Variants in SYT16 observed in about 807,000 individuals in gnomAD.
SYT16 encodes the protein synaptotagmin-16.
SYT16 carries 42 observed loss-of-function variants against 61.4 expected under a neutral mutation model. That is an observed-to-expected ratio of 0.68 (90% CI 0.53 to 0.89). The LOEUF (loss-of-function observed/expected upper bound fraction) is 0.89, where lower values mean the gene tolerates loss of function less well. Among genes scored for constraint, SYT16 ranks in the 40% least tolerant of loss-of-function variants. SYT16 has a pLI of 0.00. For synonymous variants in SYT16, 314 were observed against 302.3 expected, an observed-to-expected ratio of 1.04 and a Z score of -0.40; for missense variants, 804 against 807.3, an observed-to-expected ratio of 1.00 and a Z score of 0.05.
rs1049537498 is a variant in SYT16, at chr14:62,102,252, C to T, written c.*1545C>T. ...GTAACACTTGAAGAACATATTTATT[C>T]CTTACAGTGTGTAATGGTTATCCTG... On this transcript the variant is annotated 3_prime_UTR_variant, in exon 8 of 8. Transcript: ENST00000683842. 7 of 152,152 alleles carry T rather than the reference C, an allele frequency of 4.6e-5. No homozygotes were observed. The highest frequency in any genetic ancestry group is 1.4e-4 in the African/African-American group (6 of 41,432). 9.4% of individuals were successfully genotyped at this position (152,152 alleles called of 1,614,324 possible).
At chr14:61,958,262 T>G (rs2050963850) in intron 1 of SYT16, among the ~76,000 whole-genome samples, 1 of 151,710 alleles carries the variant, frequency 6.6e-6, no homozygotes. Flanking sequence ...TCTTCCATTC[T>G]CTAGTCCATT....
chr14:62,067,984 T>TC (rs1321091222), intron 3 of SYT16, among the ~76,000 whole-genome samples: 1 of 152,032 alleles, frequency 6.6e-6, no homozygotes, highest in Non-Finnish European at 1.5e-5. Context: ...AGACTCTGTC[T>TC]CAAAGAAAAG....
intron 3 of SYT16, among the ~76,000 whole-genome samples, chr14:62,025,464 G>T (rs1254504338): frequency 6.6e-6 from 1 of 151,984 alleles, no homozygotes. Flanking sequence ...TTACTGTTGA[G>T]TTTTAAGAGT....
chr14:61,915,689 A>G (rs1051606237), intron 1 of SYT16, among the ~76,000 whole-genome samples: 2 of 152,230 alleles, frequency 1.3e-5, no homozygotes, highest in African/African-American at 4.8e-5. Context: ...ATAGATATCT[A>G]TATGAAGTTC....
intron 3 of SYT16, among the ~76,000 whole-genome samples, chr14:62,024,585 C>T (rs947391733): frequency 3.3e-5 from 5 of 152,014 alleles, no homozygotes; most frequent in African/African-American, 1.2e-4. Context: ...CATTCTTCTC[C>T]ACCAGAGTGG....
At chr14:61,971,768 G>A (rs1161746359) in intron 2 of SYT16, among the ~76,000 whole-genome samples, 2 of 152,222 alleles carry the variant, frequency 1.3e-5, no homozygotes, top group East Asian at 3.8e-4. Flanking sequence ...TGGCATTCCT[G>A]CTATCGCAGT....
At chr14:61,990,993 A>G (rs898086902) in intron 2 of SYT16, among the ~76,000 whole-genome samples, 2 of 152,218 alleles carry the variant, frequency 1.3e-5, no homozygotes, top group South Asian at 2.1e-4. Flanking sequence ...TTAAACCAAG[A>G]TTTTAAAAAA....
chr14:62,016,499 TTGGCTAACA>T (rs2053683337), intron 3 of SYT16, among the ~76,000 whole-genome samples: 1 of 148,546 alleles, frequency 6.7e-6, no homozygotes, highest in Non-Finnish European at 1.5e-5. Flanking sequence ...TGAGACCATC[TTGGCTAACA>T]CGGTGTGAAA....
intron 1 of SYT16, among the ~76,000 whole-genome samples, chr14:61,839,804 G>T (rs968676309): frequency 6.6e-6 from 1 of 151,944 alleles, no homozygotes; most frequent in African/African-American, 2.4e-5. Flanking sequence ...TTAGGGAAAT[G>T]TGCCAGTTCC....
At chr14:61,835,913 C>T (rs929519529) in intron 1 of SYT16, among the ~76,000 whole-genome samples, 4 of 152,288 alleles carry the variant, frequency 2.6e-5, no homozygotes, top group African/African-American at 9.6e-5. Context: ...TTACATGTCC[C>T]AGGTGAGTAA....
intron 3 of SYT16, among the ~76,000 whole-genome samples, chr14:62,059,488 G>A (rs1444992687): frequency 6.6e-6 from 1 of 151,754 alleles, no homozygotes; most frequent in Non-Finnish European, 1.5e-5. Flanking sequence ...AAATGACATT[G>A]TTCAAAGAGC....
At position 61,996,451 on chromosome 14, in the gene SYT16, G is replaced by A. The variant is rs1482341816; in HGVS notation, c.432G>A (p.Glu144=). 3.1e-6 allele frequency: 5 copies of A among 1,613,394 alleles called. No homozygotes were observed. Among genetic ancestry groups the A allele is most frequent in the East Asian group, 2.2e-5 (1 of 44,844 alleles). ...TGCTTTCTTCTATTGCGGAGGAAGA[G>A]CATCACCTTGAAAAGCAAAGAAGTG... The part of the protein sequence containing the change: ...PHVLSSIAEE[E]HHLEKQRSGL... Residue 144 remains glutamate (E), a synonymous_variant, in exon 3 of 8, where the codon GAG becomes GAA. Transcript: ENST00000683842.
intron 3 of SYT16, among the ~76,000 whole-genome samples, chr14:61,999,074 A>G (rs1253835983): frequency 6.9e-6 from 1 of 145,074 alleles, no homozygotes; most frequent in South Asian, 2.2e-4. Context: ...ATTTTTTTCC[A>G]TTTTTTTTTT....
At chr14:61,987,199 G>C (rs2052352988) in intron 2 of SYT16, among the ~76,000 whole-genome samples, 1 of 152,120 alleles carries the variant, frequency 6.6e-6, no homozygotes, top group Admixed American at 6.6e-5. Flanking sequence ...AGCCTGAAGG[G>C]AGAAGAGCTT....
At chr14:62,048,255 T>G (rs1379932815) in intron 3 of SYT16, among the ~76,000 whole-genome samples, 1 of 152,246 alleles carries the variant, frequency 6.6e-6, no homozygotes, top group Admixed American at 6.5e-5. Context: ...TTTTCTAGTT[T>G]ATTTGCATGG....
At chr14:62,005,117 A>G (rs1420743689) in intron 3 of SYT16, among the ~76,000 whole-genome samples, 1 of 152,128 alleles carries the variant, frequency 6.6e-6, no homozygotes, top group East Asian at 1.9e-4. Flanking sequence ...GCCTCATTAC[A>G]GATTGGTGAG....
chr14:62,051,458 G>A (rs549084434), intron 3 of SYT16, among the ~76,000 whole-genome samples: 33 of 152,086 alleles, frequency 2.2e-4, no homozygotes, highest in Non-Finnish European at 3.7e-4. Context: ...GCTCATGTAC[G>A]GTGCGCTGCA....
chr14:61,859,516 G>T (rs1436321789), intron 1 of SYT16, among the ~76,000 whole-genome samples: 1 of 151,648 alleles, frequency 6.6e-6, no homozygotes, highest in Non-Finnish European at 1.5e-5. Flanking sequence ...TTTTCCGCTC[G>T]GAAAACCCCT....
At chr14:61,824,477 C>T (rs1365680924) in intron 1 of SYT16, among the ~76,000 whole-genome samples, 2 of 152,090 alleles carry the variant, frequency 1.3e-5, no homozygotes, top group Non-Finnish European at 2.9e-5. Flanking sequence ...CTCAGCCTCC[C>T]GAGTAGCTGG....
Sources: gnomAD v4.1 joint callset for allele counts (sites outside exome capture counted in the v4.1 genomes callset) on GRCh38, gnomAD v4.1.1 for gene constraint, MANE v1.5 for transcripts, NCBI Gene and HGNC (gene_info 2026-07-23, HGNC 2026-07-21) for gene names.